FAF1: variants seen among roughly 807,000 people sequenced by gnomAD.
The protein encoded by FAF1 is FAS-associated factor 1.
In FAF1, 25 loss-of-function variants were observed where a neutral mutation model predicts 92.5. The observed-to-expected ratio is 0.27, with a 90% CI of 0.20 to 0.38. FAF1 has a LOEUF of 0.38. Among genes scored for constraint, FAF1 ranks in the 10% least tolerant of loss-of-function variants. FAF1 has a pLI of 1.00. For missense variants in FAF1, 636 were observed against 793.3 expected (o/e 0.80, Z 2.38); for synonymous variants, 234 against 273.2 (o/e 0.86, Z 1.42).
chr1:50,914,214 C>A lies in FAF1; in HGVS notation c.45+45553G>T, dbSNP rs142594967. ...AAATATCAGAACCTGGTATTAACAG[C>A]TATGATTTAATTTTAGCAGTGTTTT... On this transcript the variant is annotated intron_variant, in intron 1 of 18. Coordinates refer to ENST00000396153, the MANE Select transcript of FAF1 (RefSeq NM_007051.3). Among the ~76,000 whole-genome samples, 16 of 152,272 alleles carry A rather than the reference C, an allele frequency of 1.1e-4. No individual in the cohort carries two copies. The East Asian group carries it at 3.1e-3, about 29-fold the overall frequency.
intron 1 of FAF1, among the ~76,000 whole-genome samples, chr1:50,897,489 T>C (rs570649713): frequency 7.7e-4 from 117 of 152,340 alleles, no homozygotes; most frequent in Non-Finnish European, 1.2e-3. Context: ...TTATAAAATA[T>C]ATGGCTATTT....
rs942392478 is a variant in FAF1 at position 50,884,450 on chromosome 1, C to T, written c.46-26453G>A. ...TGCTGAGGCAGGAGAATCGCTTGAA[C>T]CTGGTAGGTGGAGGTTGCAGTAAGC... On this transcript the variant is annotated intron_variant, in intron 1 of 18. Transcript: ENST00000396153. Among the ~76,000 whole-genome samples the T allele has an allele frequency of 2.6e-5, 4 of 151,734 alleles. 1 individual carries two copies. Among genetic ancestry groups the T allele is most frequent in the Admixed American group, 6.5e-5 (1 of 15,268 alleles).
intron 7 of FAF1, among the ~76,000 whole-genome samples, chr1:50,660,250 G>A (rs1655313343): frequency 6.6e-6 from 1 of 152,148 alleles, no homozygotes; most frequent in African/African-American, 2.4e-5. Flanking sequence ...GCTAAACCAT[G>A]AAGCTCAGAT....
chr1:50,729,059 T>TATATATATATA (rs1491171349), intron 6 of FAF1, among the ~76,000 whole-genome samples: 3 of 38,224 alleles, frequency 7.8e-5, no homozygotes, highest in African/African-American at 2.4e-4. Context: ...TATATATATA[T>TATATATATATA]TTTTTTTTTT....
At chr1:50,534,020 C>T (rs1176262831) in intron 15 of FAF1, among the ~76,000 whole-genome samples, 7 of 152,146 alleles carry the variant, frequency 4.6e-5, no homozygotes, top group Non-Finnish European at 7.4e-5. Flanking sequence ...TTTACCCCCT[C>T]AGGATCCATG....
At chr1:50,834,183 C>T (rs1018945251) in intron 2 of FAF1, among the ~76,000 whole-genome samples, 3 of 152,220 alleles carry the variant, frequency 2.0e-5, no homozygotes, top group Admixed American at 6.5e-5. Flanking sequence ...GACGTGCCTG[C>T]TTCCCCTTTG....
At chr1:50,470,509 G>A (rs1348619013) in intron 18 of FAF1, among the ~76,000 whole-genome samples, 1 of 152,164 alleles carries the variant, frequency 6.6e-6, no homozygotes, top group Non-Finnish European at 1.5e-5. Flanking sequence ...CTGGGTTACA[G>A]CTAGATATTT....
chr1:50,492,182 C>A (rs1183189398), intron 15 of FAF1, among the ~76,000 whole-genome samples: 2 of 152,140 alleles, frequency 1.3e-5, no homozygotes, highest in Non-Finnish European at 2.9e-5. Flanking sequence ...ATTATTAGTT[C>A]TCTTCTCCTT....
chr1:50,790,587 C>G (rs1038612753), intron 3 of FAF1, among the ~76,000 whole-genome samples: 5 of 151,320 alleles, frequency 3.3e-5, no homozygotes, highest in Non-Finnish European at 7.4e-5. Context: ...TTATGTATTG[C>G]CACTTCTTTT....
intron 9 of FAF1, among the ~76,000 whole-genome samples, chr1:50,585,762 T>G (rs1651196140): frequency 6.6e-6 from 1 of 151,936 alleles, no homozygotes; most frequent in Admixed American, 6.6e-5. Flanking sequence ...AAACTGATCC[T>G]TCAGTCTATG....
chr1:50,640,600 T>C (rs1307553911), intron 8 of FAF1, among the ~76,000 whole-genome samples: 1 of 152,130 alleles, frequency 6.6e-6, no homozygotes, highest in African/African-American at 2.4e-5. Context: ...TGGGCTTTTC[T>C]AGTTTTCTAT....
chr1:50,760,290 TCAA>T (rs1463220879), intron 4 of FAF1, among the ~76,000 whole-genome samples: 1 of 151,824 alleles, frequency 6.6e-6, no homozygotes, highest in East Asian at 1.9e-4. Context: ...AGACAGAAAG[TCAA>T]CAACGATACC....
intron 15 of FAF1, among the ~76,000 whole-genome samples, chr1:50,527,875 C>T (rs1417955541): frequency 1.4e-5 from 2 of 144,350 alleles, no homozygotes; most frequent in Admixed American, 7.1e-5. Flanking sequence ...CTCCCTCTCT[C>T]TCTCTCTCTC....
At chr1:50,931,927 T>TAGC (rs953852035) in intron 1 of FAF1, among the ~76,000 whole-genome samples, 1 of 139,816 alleles carries the variant, frequency 7.2e-6, no homozygotes, top group Non-Finnish European at 1.6e-5. Flanking sequence ...ATAATAATAA[T>TAGC]AGCACATGAA....
At chr1:50,609,368 T>A (rs12094601) in intron 8 of FAF1, among the ~76,000 whole-genome samples, 73,334 of 151,912 alleles carry the variant, frequency 0.48, 19,583 homozygotes, top group African/African-American at 0.7. Context: ...ACAGCAAAAC[T>A]GAGTCAGAAC....
chr1:50,540,422 G>A (rs1648706414), intron 13 of FAF1, among the ~76,000 whole-genome samples: 1 of 152,138 alleles, frequency 6.6e-6, no homozygotes, highest in Middle Eastern at 3.2e-3. Context: ...ACAGAATTTA[G>A]CAACGTTTTC....
At chr1:50,618,434 T>G (rs1216886973) in intron 8 of FAF1, among the ~76,000 whole-genome samples, 1 of 147,954 alleles carries the variant, frequency 6.8e-6, no homozygotes, top group Admixed American at 6.7e-5. Context: ...TTTTTTTTTT[T>G]GTATTTTCAG....
At chr1:50,738,719 A>C (rs937976430) in intron 6 of FAF1, 144 bp downstream of exon 6, 4 of 582,992 alleles carry the variant, frequency 6.9e-6, no homozygotes, top group Non-Finnish European at 1.2e-5. Context: ...AACTGTTTCA[A>C]ACCTGATATA....
At chr1:50,823,477 A>T (rs1480513974) in intron 2 of FAF1, among the ~76,000 whole-genome samples, 1 of 152,136 alleles carries the variant, frequency 6.6e-6, no homozygotes, top group Non-Finnish European at 1.5e-5. Context: ...ATTAAATAGC[A>T]ATTCCATTCT....
Sources: gnomAD v4.1 joint callset for allele counts (sites outside exome capture counted in the v4.1 genomes callset) on GRCh38, gnomAD v4.1.1 for gene constraint, MANE v1.5 for transcripts, NCBI Gene and HGNC (gene_info 2026-07-23, HGNC 2026-07-21) for gene names.